The following CAST variants were observed in gnomAD, a reference collection of about 807,000 sequenced individuals.
CAST encodes the protein MIR583 host.
In CAST, 76 loss-of-function variants were observed where a neutral mutation model predicts 119.6. The observed-to-expected ratio is 0.64, with a 90% confidence interval of 0.53 to 0.77. The LOEUF is 0.77. Among genes scored for constraint, CAST ranks in the 30% least tolerant of loss-of-function variants. The pLI is 0.00. For synonymous variants in CAST, 319 were observed against 331.6 expected, an observed-to-expected ratio of 0.96 and a Z score of 0.41; for missense variants, 953 against 946.5, an observed-to-expected ratio of 1.01 and a Z score of -0.09.
intron 2 of CAST, 74 bp from the exon 3 acceptor site, chr5:96,695,762 G>T: frequency 1.1e-6 from 1 of 884,802 alleles, no homozygotes; most frequent in Non-Finnish European, 1.8e-6. Context: ...TATTTGTATT[G>T]ATATGTAAGT....
the CAST span, among the ~76,000 whole-genome samples, chr5:96,514,128 C>A: frequency 4.6e-5 from 7 of 152,170 alleles, no homozygotes; most frequent in African/African-American, 1.7e-4. Flanking sequence ...TGCACTGACC[C>A]TATTTCTAAA....
At chr5:96,494,570 C>A in the CAST span, among the ~76,000 whole-genome samples, 2 of 152,152 alleles carry the variant, frequency 1.3e-5, no homozygotes, top group Non-Finnish European at 2.9e-5. Context: ...GAACAGATTA[C>A]AAATGATAAG....
chr5:96,290,743 G>T, the CAST span, among the ~76,000 whole-genome samples: 1 of 152,230 alleles, frequency 6.6e-6, no homozygotes, highest in Admixed American at 6.5e-5. Flanking sequence ...TCCTTTCTCA[G>T]TTGGGGCAAG....
chr5:96,566,092 C>G (rs1746463829), intron 1 of CAST, among the ~76,000 whole-genome samples: 1 of 152,172 alleles, frequency 6.6e-6, no homozygotes, highest in African/African-American at 2.4e-5. Flanking sequence ...TATGACTAGG[C>G]TGACATTCTG....
At chr5:96,717,207 TAGAA>T (rs1228766575) in intron 3 of CAST, among the ~76,000 whole-genome samples, 2 of 152,210 alleles carry the variant, frequency 1.3e-5, no homozygotes, top group Non-Finnish European at 2.9e-5. Flanking sequence ...AATGTACACT[TAGAA>T]AGGAACTCAG....
At chr5:96,360,168 T>C in the CAST span, among the ~76,000 whole-genome samples, 2 of 152,068 alleles carry the variant, frequency 1.3e-5, no homozygotes, top group African/African-American at 4.8e-5. Context: ...TCTCATGCTA[T>C]GTTTTTAAGC....
chr5:96,091,609 G>T, the CAST span, among the ~76,000 whole-genome samples: 2 of 150,020 alleles, frequency 1.3e-5, no homozygotes, highest in African/African-American at 4.9e-5. Context: ...AGGCTCAAGT[G>T]ATCCTCCCAC....
the CAST span, among the ~76,000 whole-genome samples, chr5:96,334,020 T>C: frequency 2.6e-5 from 4 of 152,174 alleles, no homozygotes; most frequent in South Asian, 6.2e-4. Flanking sequence ...CAACACCCAT[T>C]TCATATGCTC....
At chr5:96,574,892 G>A (rs1337384182) in intron 1 of CAST, among the ~76,000 whole-genome samples, 3 of 152,066 alleles carry the variant, frequency 2.0e-5, no homozygotes. Context: ...ATTGTTACAT[G>A]TGTCTATCTC....
the CAST span, among the ~76,000 whole-genome samples, chr5:96,241,516 A>G: frequency 2.5e-4 from 38 of 150,034 alleles, no homozygotes; most frequent in African/African-American, 9.3e-4. Context: ...TAATGCCGCA[A>G]TAAACATACA....
the CAST span, chr5:96,434,262 A>C: frequency 2.0e-5 from 3 of 152,222 alleles, no homozygotes; most frequent in Non-Finnish European, 4.4e-5. Context: ...GGTGGAGCCT[A>C]TTCGAACCCT....
Position 96,726,873 on chromosome 5 carries a change from T to C in CAST, c.336+14T>C, listed in dbSNP as rs1331738762. 3.8e-6 allele frequency: 6 copies of C among 1,590,844 alleles called. No individual in the cohort carries two copies. The highest frequency in any genetic ancestry group is 2.2e-5 in the East Asian group (1 of 44,748). ...CACAAAAAACAGGTGATGTTGTTCA[T>C]TGTACTAGGGCATCTCTGTTTACTA... is the stretch of plus-strand genomic sequence containing the variant. On this transcript the variant is annotated intron_variant, in intron 5 of 31. Transcript: ENST00000675179.
intron 1 of CAST, among the ~76,000 whole-genome samples, chr5:96,645,827 G>T (rs1748008004): frequency 6.6e-6 from 1 of 151,158 alleles, no homozygotes; most frequent in Non-Finnish European, 1.5e-5. Flanking sequence ...ATAGAAACTT[G>T]AAAGGAAAAG....
chr5:96,597,087 A>T (rs1293010011), intron 1 of CAST, among the ~76,000 whole-genome samples: 1 of 152,220 alleles, frequency 6.6e-6, no homozygotes, highest in Non-Finnish European at 1.5e-5. Flanking sequence ...TGGGGGACAC[A>T]GTTTAGTCCA....
At chr5:96,278,966 T>C in the CAST span, among the ~76,000 whole-genome samples, 1 of 152,256 alleles carries the variant, frequency 6.6e-6, no homozygotes, top group East Asian at 1.9e-4. Flanking sequence ...GTTAGCACCA[T>C]TATGTATAAA....
chr5:96,431,467 C>T, the CAST span, among the ~76,000 whole-genome samples: 1 of 152,270 alleles, frequency 6.6e-6, no homozygotes, highest in African/African-American at 2.4e-5. Flanking sequence ...AAATTACAAT[C>T]AGTTGCAATC....
intron 2 of CAST, among the ~76,000 whole-genome samples, chr5:96,684,443 TA>T (rs1016663844): frequency 4.1e-4 from 63 of 152,294 alleles, no homozygotes; most frequent in African/African-American, 1.4e-3. Flanking sequence ...ACCTTCCCAT[TA>T]AAAAATGAGG....
chr5:96,151,135 C>A, the CAST span, among the ~76,000 whole-genome samples: 1 of 152,138 alleles, frequency 6.6e-6, no homozygotes, highest in Non-Finnish European at 1.5e-5. Context: ...AGAAAACAGA[C>A]TATTTGTTTA....
chr5:96,251,490 C>T, the CAST span, among the ~76,000 whole-genome samples: 4 of 152,024 alleles, frequency 2.6e-5, no homozygotes, highest in African/African-American at 9.7e-5. Flanking sequence ...GATGAGATTC[C>T]TCCCTCCCCT....
Sources: allele counts gnomAD v4.1 joint callset (sites outside exome capture counted in the v4.1 genomes callset), GRCh38; gene constraint gnomAD v4.1.1; transcripts MANE v1.5; gene names NCBI Gene and HGNC (gene_info 2026-07-23, HGNC 2026-07-21).